The following ANKRD31 variants were observed in gnomAD, a reference collection of about 807,000 sequenced individuals.
ANKRD31 encodes ankyrin repeat domain 31, also known as ankyrin repeat domain-containing protein 31.
ANKRD31 carries 147 observed loss-of-function variants against 186.0 expected under a neutral mutation model. That is an observed-to-expected ratio of 0.79 (90% CI 0.69 to 0.91). ANKRD31 has a LOEUF of 0.91. Ranked by LOEUF, ANKRD31 falls within the 40% of genes least tolerant of loss-of-function variation. ANKRD31 has a pLI of 0.00. For synonymous variants in ANKRD31, 673 were observed against 736.4 expected, an observed-to-expected ratio of 0.91 and a Z score of 1.39; for missense variants, 1,986 against 2,148.8, an observed-to-expected ratio of 0.92 and a Z score of 1.50.
intron 2 of ANKRD31, among the ~76,000 whole-genome samples, chr5:75,222,886 T>C (rs1013811600): frequency 5.3e-5 from 8 of 152,220 alleles, no homozygotes; most frequent in Non-Finnish European, 1.0e-4. Flanking sequence ...CTATTGTAAA[T>C]AGTGCTGCAG....
At chr5:75,084,220 G>A in intron 24 of ANKRD31, 52 bp downstream of exon 24, 3 of 1,275,176 alleles carry the variant, frequency 2.4e-6, no homozygotes, top group Non-Finnish European at 3.3e-6. Context: ...TTTTCCAGTA[G>A]GTTTTGGTGT....
At chr5:75,130,093 G>A (rs1321926330) in intron 17 of ANKRD31, among the ~76,000 whole-genome samples, 1 of 152,140 alleles carries the variant, frequency 6.6e-6, no homozygotes, top group Non-Finnish European at 1.5e-5. Flanking sequence ...CGTGTCCAGA[G>A]TTTCTTCCTA....
At chr5:75,080,011 T>A (rs746008236) in intron 25 of ANKRD31, among the ~76,000 whole-genome samples, 6 of 151,856 alleles carry the variant, frequency 4.0e-5, no homozygotes, top group Non-Finnish European at 8.8e-5. Flanking sequence ...GGCAGGAGGA[T>A]CACTTGAGCC....
At chr5:75,233,734 G>A (rs946543915) in intron 1 of ANKRD31, among the ~76,000 whole-genome samples, 1 of 151,988 alleles carries the variant, frequency 6.6e-6, no homozygotes, top group Admixed American at 6.6e-5. Flanking sequence ...TGGCCATCAT[G>A]GTGAAACCCC....
rs935046250 is a variant in ANKRD31, at chr5:75,081,700, C to CAG, written c.5576-1063_5576-1062dup. On this transcript the variant is annotated intron_variant, in intron 24 of 25. Transcript: ENST00000506364. ...GGGAGGAGGCAGAGAGAGAGAGAGA[C>CAG]AGAGAGAGAGAGAGAGACAGAGAGA... 3.1e-3 allele frequency among the ~76,000 whole-genome samples: 426 copies of CAG among 137,078 alleles called. 3 individuals are homozygous for CAG. The highest frequency in any genetic ancestry group is 8.8e-3 in the African/African-American group (328 of 37,464). 89.9% of individuals were successfully genotyped at this position (137,078 alleles called of 152,430 possible).
At chr5:75,145,871 A>C in intron 14 of ANKRD31, 116 bp downstream of exon 14, 1 of 924,730 alleles carries the variant, frequency 1.1e-6, no homozygotes, top group Non-Finnish European at 1.5e-6. Context: ...AATATGGCCC[A>C]CATGTCCTCA....
rs1049302172 is a variant in ANKRD31, at chr5:75,146,661, T to C, written c.2750A>G (p.Lys917Arg). The C allele has an allele frequency of 2.6e-6, 4 of 1,535,966 alleles. No homozygotes were observed. The Admixed American group carries it at 7.9e-5, about 30-fold the overall frequency. Residue 917 changes from lysine (K) to arginine (R), a missense_variant, in exon 14 of 26, where the codon AAG (lysine) becomes AGG (arginine). Physicochemically the swap from Lys to Arg is conservative, Grantham distance 26. Transcript: ENST00000506364. Reference sequence around the variant, plus strand: ...TTTGCCACCTGTAGAACACAACACCTTTTTAGATGTTATAGCCTTCTCAGA... The same window carrying C: ...TTTGCCACCTGTAGAACACAACACCCTTTTAGATGTTATAGCCTTCTCAGA... ...STSEKAITSK[K>R]VLCSTGGKKH...
intron 11 of ANKRD31, among the ~76,000 whole-genome samples, chr5:75,155,745 G>A (rs1030377697): frequency 3.3e-5 from 5 of 152,122 alleles, no homozygotes; most frequent in African/African-American, 4.8e-5. Context: ...AATTAAAAGC[G>A]TATATATATT....
Position 75,187,110 on chromosome 5 carries a change from T to TTTTGTGTGTGTGTGTG in ANKRD31, c.1564+1382_1564+1383insCACACACACACACAAA, listed in dbSNP as rs367871687. On this transcript the variant is annotated intron_variant, in intron 10 of 25. Transcript: ENST00000506364. ...AACAAACATTGCCGGTGATTCTGTT[T>TTTTGTGTGTGTGTGTG]TGTGTGTGTGTGTGTGTGTGTGTGT... is the stretch of plus-strand genomic sequence containing the variant. 5.2e-5 allele frequency among the ~76,000 whole-genome samples: 6 copies of TTTTGTGTGTGTGTGTG among 116,254 alleles called. No individual in the cohort carries two copies. The South Asian group carries it at 9.6e-4, about 19-fold the overall frequency. 76.3% of individuals were successfully genotyped at this position (116,254 alleles called of 152,430 possible).
chr5:75,112,427 T>C, intron 20 of ANKRD31, 86 bp downstream of exon 20: 1 of 876,282 alleles, frequency 1.1e-6, no homozygotes, highest in Non-Finnish European at 1.7e-6. Context: ...TTTTCAGCCT[T>C]TGTGAGCTTT....
At chr5:75,148,429 T>G (rs1302065126) in intron 13 of ANKRD31, 147 bp downstream of exon 13, 1 of 540,750 alleles carries the variant, frequency 1.8e-6, no homozygotes, top group East Asian at 3.2e-5. Flanking sequence ...ACCCTCTGAT[T>G]CTCATGCAAT....
At chr5:75,141,377 A>T (rs1250634096) in intron 15 of ANKRD31, among the ~76,000 whole-genome samples, 1 of 152,102 alleles carries the variant, frequency 6.6e-6, no homozygotes, top group Non-Finnish European at 1.5e-5. Context: ...TATGAGAGAC[A>T]GAGAATATAT....
intron 6 of ANKRD31, among the ~76,000 whole-genome samples, chr5:75,199,331 G>T (rs931544922): frequency 6.6e-6 from 1 of 152,132 alleles, no homozygotes; most frequent in Non-Finnish European, 1.5e-5. Flanking sequence ...AAAGCAGGAA[G>T]GAACTTTGCT....
chr5:75,161,253 G>A (rs142258945), intron 11 of ANKRD31, among the ~76,000 whole-genome samples: 2,305 of 152,286 alleles, frequency 0.015, 63 homozygotes, highest in African/African-American at 0.053. Flanking sequence ...GGCTGAAGTG[G>A]TCTCAGATGG....
At chr5:75,217,934 C>G (rs1757058665) in intron 3 of ANKRD31, among the ~76,000 whole-genome samples, 1 of 152,080 alleles carries the variant, frequency 6.6e-6, no homozygotes. Flanking sequence ...TTTAGGAGCT[C>G]TTGTAAGGAA....
In ANKRD31 at chr5:75,068,460, T is replaced by C. The variant is rs2149989755; in HGVS notation, c.*59A>G. The C allele has an allele frequency of 7.1e-7, 1 of 1,401,596 alleles. No homozygotes were observed. Among genetic ancestry groups the C allele is most frequent in the Non-Finnish European group, 9.3e-7 (1 of 1,077,538 alleles). The allele number at this position is 1,401,596 out of a possible 1,614,324, so 86.8% of individuals were successfully genotyped here. A position where few individuals can be genotyped will look rare whatever the true frequency, so the allele number is the denominator to read the frequency against. On this transcript the variant is annotated 3_prime_UTR_variant, in exon 26 of 26. Transcript: ENST00000506364. Reference sequence around the variant, plus strand: ...GCCCACCAGATTATACAAGATGAAATATAAATGTTTGTTGGTAATTTGAAC... The same window carrying C: ...GCCCACCAGATTATACAAGATGAAACATAAATGTTTGTTGGTAATTTGAAC...
chr5:75,162,390 A>G (rs1295148358), intron 11 of ANKRD31, among the ~76,000 whole-genome samples: 1 of 152,108 alleles, frequency 6.6e-6, no homozygotes, highest in African/African-American at 2.4e-5. Context: ...TCTCATTTGG[A>G]ATGGCTGTAT....
intron 2 of ANKRD31, among the ~76,000 whole-genome samples, chr5:75,224,362 A>G (rs1034100281): frequency 1.3e-5 from 2 of 151,656 alleles, no homozygotes; most frequent in African/African-American, 4.8e-5. Flanking sequence ...GTATAACAGG[A>G]TATCTTCCCT....
intron 11 of ANKRD31, among the ~76,000 whole-genome samples, chr5:75,158,651 G>T (rs1752362647): frequency 6.6e-6 from 1 of 152,084 alleles, no homozygotes; most frequent in East Asian, 1.9e-4. Context: ...AAAAAGCTGG[G>T]TGTGGTGGTG....
Sources: gnomAD v4.1 joint callset for allele counts (sites outside exome capture counted in the v4.1 genomes callset) on GRCh38, gnomAD v4.1.1 for gene constraint, MANE v1.5 for transcripts, NCBI Gene and HGNC (gene_info 2026-07-23, HGNC 2026-07-21) for gene names.